GPC6: variants seen among roughly 807,000 people sequenced by gnomAD.
The protein encoded by GPC6 is glypican-6.
Under a neutral mutation model 55.2 loss-of-function variants are expected in GPC6, and 14 were observed. That is an observed-to-expected ratio of 0.25 (90% CI 0.17 to 0.40). The LOEUF is 0.40. GPC6 is among the 10% of genes least tolerant of loss of function. The pLI is 1.00. For missense variants in GPC6, 641 were observed against 708.5 expected (o/e 0.90, Z 1.08); for synonymous variants, 278 against 259.6 (o/e 1.07, Z -0.68).
chr13:93,233,504 G>C (rs1387866288), intron 1 of GPC6, among the ~76,000 whole-genome samples: 3 of 152,066 alleles, frequency 2.0e-5, no homozygotes, highest in Admixed American at 1.3e-4. Flanking sequence ...CAGGTTCTGG[G>C]GGTAGAACCC....
At chr13:94,037,240 A>G (rs1883369944) in intron 4 of GPC6, among the ~76,000 whole-genome samples, 2 of 151,912 alleles carry the variant, frequency 1.3e-5, no homozygotes, top group Non-Finnish European at 1.5e-5. Context: ...AGTATTTTTC[A>G]ATTAAATCCC....
intron 1 of GPC6, among the ~76,000 whole-genome samples, chr13:93,326,287 A>T (rs1312954317): frequency 6.6e-6 from 1 of 152,140 alleles, no homozygotes; most frequent in Non-Finnish European, 1.5e-5. Flanking sequence ...ATCTTGTTCA[A>T]TTGCAAATTC....
intron 3 of GPC6, among the ~76,000 whole-genome samples, chr13:93,983,050 ATCT>A (rs543493063): frequency 5.4e-4 from 83 of 152,314 alleles, no homozygotes; most frequent in African/African-American, 1.9e-3. Context: ...AGGAAATAAA[ATCT>A]TCTGCCTTTT....
intron 3 of GPC6, among the ~76,000 whole-genome samples, chr13:93,863,912 T>A (rs372247181): frequency 1.3e-5 from 2 of 151,762 alleles, no homozygotes; most frequent in East Asian, 3.9e-4. Flanking sequence ...TAAACATCCA[T>A]GCCCTGGCTA....
At chr13:93,979,254 A>G (rs11841450) in intron 3 of GPC6, among the ~76,000 whole-genome samples, 2,108 of 150,314 alleles carry the variant, frequency 0.014, 60 homozygotes, top group African/African-American at 0.05. Context: ...GGTGGCCTCC[A>G]TATTGGACAG....
At chr13:94,071,367 A>C (rs948750119) in intron 4 of GPC6, among the ~76,000 whole-genome samples, 9 of 152,230 alleles carry the variant, frequency 5.9e-5, no homozygotes, top group African/African-American at 2.2e-4. Context: ...GATTATAATG[A>C]ACAATCAGAG....
intron 1 of GPC6, among the ~76,000 whole-genome samples, chr13:93,497,212 A>G (rs1216401803): frequency 6.6e-6 from 1 of 152,262 alleles, no homozygotes. Context: ...TGGATCAGAT[A>G]GTAGCCTAGG....
chr13:94,216,943 C>T (rs1341181478), intron 4 of GPC6, among the ~76,000 whole-genome samples: 1 of 152,284 alleles, frequency 6.6e-6, no homozygotes, highest in South Asian at 2.1e-4. Flanking sequence ...ATCTGGGTCT[C>T]AAACCAGCTT....
At chr13:94,137,944 T>A (rs187609893) in intron 4 of GPC6, among the ~76,000 whole-genome samples, 1 of 152,306 alleles carries the variant, frequency 6.6e-6, no homozygotes, top group African/African-American at 2.4e-5. Context: ...ATGCAGTTGG[T>A]CCCTGGACAA....
chr13:94,311,837 G>A (rs1041912901), intron 6 of GPC6, among the ~76,000 whole-genome samples: 3 of 152,114 alleles, frequency 2.0e-5, no homozygotes, highest in Non-Finnish European at 2.9e-5. Context: ...ATAGCTCAAG[G>A]GCTCCTGACA....
chr13:93,916,251 A>G (rs540107950), intron 3 of GPC6, among the ~76,000 whole-genome samples: 31 of 152,208 alleles, frequency 2.0e-4, no homozygotes, highest in African/African-American at 6.5e-4. Context: ...ACCTTGATCC[A>G]TGCTTCAGGC....
At chr13:93,723,202 A>G (rs1238627600) in intron 2 of GPC6, among the ~76,000 whole-genome samples, 1 of 151,962 alleles carries the variant, frequency 6.6e-6, no homozygotes, top group East Asian at 1.9e-4. Context: ...TTGTAGGTAG[A>G]GCTGATATTG....
intron 1 of GPC6, among the ~76,000 whole-genome samples, chr13:93,287,125 G>A (rs1313652317): frequency 6.6e-6 from 1 of 152,094 alleles, no homozygotes; most frequent in Non-Finnish European, 1.5e-5. Flanking sequence ...ATCTCATTAT[G>A]TATATGCAAA....
intron 4 of GPC6, among the ~76,000 whole-genome samples, chr13:94,249,560 A>G (rs545585864): frequency 4.3e-4 from 66 of 152,278 alleles, no homozygotes; most frequent in Non-Finnish European, 8.4e-4. Flanking sequence ...ACCATCACAA[A>G]ACCCCTCTGA....
chr13:94,076,732 C>T (rs921506951), intron 4 of GPC6, among the ~76,000 whole-genome samples: 4 of 151,826 alleles, frequency 2.6e-5, no homozygotes, highest in African/African-American at 9.7e-5. Flanking sequence ...CTTGAAGAGA[C>T]TATCTTTTCT....
chr13:94,129,345 C>T (rs1255701942), intron 4 of GPC6, among the ~76,000 whole-genome samples: 2 of 152,048 alleles, frequency 1.3e-5, no homozygotes, highest in Non-Finnish European at 2.9e-5. Flanking sequence ...TTACATTTCC[C>T]AGGGTCCCTT....
At chr13:94,155,667 AG>A (rs1887906144) in intron 4 of GPC6, among the ~76,000 whole-genome samples, 1 of 152,120 alleles carries the variant, frequency 6.6e-6, no homozygotes, top group Non-Finnish European at 1.5e-5. Context: ...CTACCATAAG[AG>A]GATAACTCTT....
Position 93,550,071 on chromosome 13 carries a change from A to G in GPC6, c.319+4650A>G, listed in dbSNP as rs1164825460. Among the ~76,000 whole-genome samples the G allele has an allele frequency of 2.0e-5, 3 of 152,284 alleles. No individual in the cohort carries two copies. The East Asian group carries it at 5.8e-4, about 29-fold the overall frequency. On this transcript the variant is annotated intron_variant, in intron 2 of 8. Coordinates refer to ENST00000377047, the MANE Select transcript of GPC6 (RefSeq NM_005708.5). ...TATCTTTGAGAAAGGCAGGAACAGT[A>G]TTAAATTGGAATTTGTCCCTAAATT...
chr13:94,095,799 T>C (rs768726146), intron 4 of GPC6, among the ~76,000 whole-genome samples: 1 of 152,152 alleles, frequency 6.6e-6, no homozygotes, highest in Admixed American at 6.5e-5. Flanking sequence ...CAGTAATGCA[T>C]TAAATTGAAA....
Sources: gnomAD v4.1 joint callset for allele counts (sites outside exome capture counted in the v4.1 genomes callset) on GRCh38, gnomAD v4.1.1 for gene constraint, MANE v1.5 for transcripts, NCBI Gene and HGNC (gene_info 2026-07-23, HGNC 2026-07-21) for gene names.